SLC2A11: variants seen among roughly 807,000 people sequenced by gnomAD.
SLC2A11 encodes the protein solute carrier family 2, facilitated glucose transporter member 11.
Under a neutral mutation model 52.1 loss-of-function variants are expected in SLC2A11, and 43 were observed. The observed-to-expected ratio is 0.82, with a 90% CI of 0.65 to 1.06. The LOEUF (loss-of-function observed/expected upper bound fraction) is 1.06. SLC2A11 is among the 50% of genes least tolerant of loss of function. The pLI is 0.00. For missense variants in SLC2A11, 582 were observed against 654.2 expected (o/e 0.89, Z 1.20); for synonymous variants, 261 against 277.6 (o/e 0.94, Z 0.59).
At chr22:23,869,967 A>G (rs1222118731) in intron 3 of SLC2A11, 2 of 717,440 alleles carry the variant, frequency 2.8e-6, no homozygotes, top group South Asian at 1.5e-5. Context: ...TAGTCCCATC[A>G]ATGAAGGTGG....
intron 1 of SLC2A11, among the ~76,000 whole-genome samples, chr22:23,859,826 C>T (rs1291670542): frequency 6.6e-6 from 1 of 152,168 alleles, no homozygotes; most frequent in Non-Finnish European, 1.5e-5. Context: ...ATAAATAGTC[C>T]GTAGGTTCTG....
In SLC2A11 at chr22:23,884,580, C is replaced by G; in HGVS notation, c.1300-69C>G. 2 of 1,549,574 alleles carry G rather than the reference C, an allele frequency of 1.3e-6. No individual in the cohort carries two copies. Among genetic ancestry groups the G allele is most frequent in the African/African-American group, 2.7e-5 (2 of 72,896 alleles). On this transcript the variant is annotated intron_variant, in intron 11 of 11. Coordinates refer to ENST00000316185, the MANE Select transcript of SLC2A11 (RefSeq NM_001024939.4). The surrounding 1 kb of genome is among the most constrained non-coding windows in gnomAD (Gnocchi z 4.3). ...AGGGGGGCAAATGCCTCCTCACGAC[C>G]TGTCATGGGCCTTCTGTTTAGGGGT...
chr22:23,878,239 T>C (rs546879624), intron 6 of SLC2A11, among the ~76,000 whole-genome samples: 7 of 152,204 alleles, frequency 4.6e-5, no homozygotes, highest in African/African-American at 1.7e-4. Flanking sequence ...TAAGGAACAA[T>C]CGCAACATTT....
chr22:23,870,371 A>T (rs868123053), intron 3 of SLC2A11: 18 of 293,776 alleles, frequency 6.1e-5, no homozygotes, highest in South Asian at 9.7e-5. Flanking sequence ...AGCTGACTGG[A>T]GCTCTGAAAT....
chr22:23,857,577 A>C (rs970653361), upstream of SLC2A11: 2,189 of 1,169,628 alleles, frequency 1.9e-3, 3 homozygotes, highest in African/African-American at 4.5e-3. Context: ...GTGACCCCAA[A>C]CCCCCCCCCC....
At chr22:23,862,404 A>C in intron 2 of SLC2A11, 1 of 561,608 alleles carries the variant, frequency 1.8e-6, no homozygotes, top group Non-Finnish European at 3.2e-6. Context: ...TGAGTCCCTA[A>C]TCTCAGCAGA....
intron 6 of SLC2A11, among the ~76,000 whole-genome samples, chr22:23,879,095 C>T (rs2032718730): frequency 6.6e-6 from 1 of 152,082 alleles, no homozygotes; most frequent in Non-Finnish European, 1.5e-5. Context: ...CCAGCTCTGT[C>T]CCCTACCCCC....
chr22:23,879,175 C>T (rs1041406343), intron 6 of SLC2A11, among the ~76,000 whole-genome samples: 2 of 152,138 alleles, frequency 1.3e-5, no homozygotes, highest in African/African-American at 4.8e-5. Context: ...GACAGGTTCT[C>T]GCTTGTCCAG....
intron 1 of SLC2A11, 26 bp downstream of exon 1, chr22:23,858,055 C>T (rs766957877): frequency 5.2e-6 from 8 of 1,553,308 alleles, no homozygotes; most frequent in Non-Finnish European, 7.0e-6. Flanking sequence ...CTTGCCCAGA[C>T]CAGGCGTTTC....
chr22:23,857,383 G>A, upstream of SLC2A11: 1 of 1,557,038 alleles, frequency 6.4e-7, no homozygotes. Context: ...GGGCTTGGCC[G>A]AGATGACCTT....
At chr22:23,861,767 C>T (rs2032076309) in intron 1 of SLC2A11, among the ~76,000 whole-genome samples, 1 of 152,216 alleles carries the variant, frequency 6.6e-6, no homozygotes, top group Non-Finnish European at 1.5e-5. Flanking sequence ...GGGGCCCCAG[C>T]TCAGGGGACT....
At position 23,868,541 on chromosome 22, in the gene SLC2A11, C is replaced by T. The variant is rs1221722010; in HGVS notation, c.190C>T (p.His64Tyr). 6.2e-7 allele frequency: 1 copy of T among 1,614,250 alleles called. No individual in the cohort carries two copies. Among genetic ancestry groups the T allele is most frequent in the Admixed American group, 1.7e-5 (1 of 60,024 alleles). Residue 64 changes from histidine (H) to tyrosine (Y), a missense_variant, in exon 3 of 12, where the codon CAC becomes TAC. Transcript: ENST00000316185. ...GCGTACTGGAGAGCCACTGCCCGAT[C>T]ACCTAGTCCTGCTTATGTGGTCCCT... ...QARTGEPLPD[H>Y]LVLLMWSLIV...
intron 2 of SLC2A11, among the ~76,000 whole-genome samples, chr22:23,864,170 C>G (rs1409399027): frequency 6.6e-6 from 1 of 152,050 alleles, no homozygotes; most frequent in Non-Finnish European, 1.5e-5. Flanking sequence ...GAACCAAGGG[C>G]TGTAGTTGAC....
At chr22:23,862,912 C>T (rs978308177) in intron 2 of SLC2A11, among the ~76,000 whole-genome samples, 21 of 151,802 alleles carry the variant, frequency 1.4e-4, no homozygotes, top group African/African-American at 4.6e-4. Context: ...CATGAGACAC[C>T]GTGCCCGGTC....
chr22:23,877,825 G>T lies in SLC2A11; in HGVS notation c.650G>T (p.Arg217Leu). ...ASLPLLPESP[R>L]YLLIDCGDTE... ...CTGCCTCTGCTCCCTGAAAGCCCGCGCTACCTCCTCATTGACTGTGGAGAC... is the reference window on the plus strand; with the variant it reads ...CTGCCTCTGCTCCCTGAAAGCCCGCTCTACCTCCTCATTGACTGTGGAGAC... Residue 217 changes from arginine (R) to leucine (L), a missense_variant, in exon 6 of 12, where the codon CGC becomes CTC. Arg to Leu is a moderately radical substitution (Grantham distance 102). Coordinates refer to ENST00000316185, the MANE Select transcript of SLC2A11 (RefSeq NM_001024939.4). 6.2e-7 allele frequency: 1 copy of T among 1,613,512 alleles called. No homozygotes were observed. Among genetic ancestry groups the T allele is most frequent in the Non-Finnish European group, 8.5e-7 (1 of 1,179,772 alleles).
chr22:23,868,740 C>A, intron 3 of SLC2A11, 99 bp downstream of exon 3: 1 of 1,445,198 alleles, frequency 6.9e-7, no homozygotes, highest in Non-Finnish European at 9.4e-7. Context: ...CGGCAAGCTC[C>A]AGGCCCAGAT....
chr22:23,873,482 G>A (rs561421060), intron 3 of SLC2A11, among the ~76,000 whole-genome samples: 4 of 152,108 alleles, frequency 2.6e-5, no homozygotes, highest in African/African-American at 9.6e-5. Flanking sequence ...GCTAATTTTT[G>A]TATTTTTAGT....
chr22:23,862,211 C>T lies in SLC2A11; in HGVS notation c.129+9C>T, dbSNP rs1201223627. ...TCAATGCCCCGACCTTGGTATGTAT[C>T]CTCTCTGGGTGGAGACTGTCCCTGT... On this transcript the variant is annotated intron_variant, in intron 2 of 11. Transcript: ENST00000316185. The T allele has an allele frequency of 1.9e-6, 3 of 1,613,046 alleles. No homozygotes were observed. Among genetic ancestry groups the T allele is most frequent in the Non-Finnish European group, 1.7e-6 (2 of 1,179,138 alleles).
intron 2 of SLC2A11, 24 bp from the exon 3 acceptor site, chr22:23,868,457 G>A (rs369133239): frequency 1.2e-6 from 2 of 1,613,114 alleles, no homozygotes; most frequent in Non-Finnish European, 1.7e-6. Context: ...TCCCCAGAAG[G>A]CTGACTGGCA....
Sources: allele counts gnomAD v4.1 joint callset (sites outside exome capture counted in the v4.1 genomes callset), GRCh38; gene constraint gnomAD v4.1.1; non-coding constraint Gnocchi (gnomAD v3.1); transcripts MANE v1.5; gene names NCBI Gene and HGNC (gene_info 2026-07-23, HGNC 2026-07-21).